The following RASSF5 variants were observed in gnomAD, a reference collection of about 807,000 sequenced individuals.
RASSF5 encodes the protein ras association domain-containing protein 5.
A neutral mutation model predicts 40.5 loss-of-function variants in RASSF5; 25 were observed. The ratio of observed to expected loss-of-function variants is 0.62; its 90% CI spans 0.45 to 0.86. The LOEUF (loss-of-function observed/expected upper bound fraction) is 0.86. Among genes scored for constraint, RASSF5 ranks in the 40% least tolerant of loss-of-function variants. The pLI is 0.00. For synonymous variants in RASSF5, 246 were observed against 252.4 expected, an observed-to-expected ratio of 0.97 and a Z score of 0.24; for missense variants, 521 against 572.8, an observed-to-expected ratio of 0.91 and a Z score of 0.92.
chr1:206,538,250 A>G lies in RASSF5; in HGVS notation c.536A>G (p.Asp179Gly). ...AGTCAGCAGGAGGGTTTATCCCGGG[A>G]CAGACCCTCTCCAGAAAGCACCCTC... ...DCSQQEGLSR[D>G]RPSPESTLTV... is the part of the protein sequence containing the mutation. The change falls in exon 2 of 6, where the codon GAC becomes GGC. Residue 179 changes from aspartate (D) to glycine (G), a missense_variant. Around this residue, in one of 2 missense-constraint regions of RASSF5, gnomAD observed 284 missense variants for 360.8 expected, o/e 0.79. Coordinates refer to ENST00000579436, the MANE Select transcript of RASSF5 (RefSeq NM_182663.4). 1 of 1,614,110 alleles carries G rather than the reference A, an allele frequency of 6.2e-7. No individual in the cohort carries two copies. The highest frequency in any genetic ancestry group is 8.5e-7 in the Non-Finnish European group (1 of 1,180,020).
intron 2 of RASSF5, 105 bp from the exon 3 acceptor site, chr1:206,583,164 G>A: frequency 2.7e-6 from 2 of 749,954 alleles, no homozygotes; most frequent in Non-Finnish European, 2.4e-6. Flanking sequence ...CTGCAGGGCT[G>A]GATGCTCACT....
chr1:206,507,717 G>A lies in RASSF5; in HGVS notation c.115G>A (p.Asp39Asn). 1 of 1,486,226 alleles carries A rather than the reference G, an allele frequency of 6.7e-7. No individual in the cohort carries two copies. Among genetic ancestry groups the A allele is most frequent in the Non-Finnish European group, 8.9e-7 (1 of 1,125,006 alleles). 92.1% of individuals were successfully genotyped at this position (1,486,226 alleles called of 1,614,324 possible). A position where few individuals can be genotyped will look rare whatever the true frequency, so the allele number is the denominator to read the frequency against. Residue 39 changes from aspartate (D) to asparagine (N), a missense_variant, in exon 1 of 6, where the codon GAC becomes AAC. Asp to Asn is a conservative substitution (Grantham distance 23). Transcript: ENST00000579436. The part of the protein sequence containing the change: ...SGPELPPPPP[D>N]RSSRLCVPAP... ...CCCCGAGCTACCGCCGCCGCCCCCC[G>A]ACCGGTCCTCGCGCCTCTGTGTCCC...
intron 2 of RASSF5, among the ~76,000 whole-genome samples, chr1:206,564,898 C>T (rs782321604): frequency 4.6e-5 from 7 of 152,156 alleles, no homozygotes; most frequent in Non-Finnish European, 1.0e-4. Flanking sequence ...GCTTGAATTG[C>T]TGAGCCTGTG....
At chr1:206,585,503 C>G in intron 5 of RASSF5, 1 of 446,738 alleles carries the variant, frequency 2.2e-6, no homozygotes, top group Non-Finnish European at 4.1e-6. Context: ...ACATTAGGGC[C>G]TGTGTGTGGC....
intron 1 of RASSF5, among the ~76,000 whole-genome samples, chr1:206,524,693 A>ATT (rs1667052957): frequency 1.5e-5 from 2 of 137,738 alleles, no homozygotes; most frequent in East Asian, 3.9e-4. Flanking sequence ...TATTTAATAT[A>ATT]TTATATATTA....
chr1:206,508,187 G>A (rs759813014), intron 1 of RASSF5, 128 bp downstream of exon 1: 2 of 695,500 alleles, frequency 2.9e-6, no homozygotes, highest in Non-Finnish European at 4.2e-6. Context: ...CCGAACATAA[G>A]GAGATAACAA....
intron 2 of RASSF5, among the ~76,000 whole-genome samples, chr1:206,573,193 G>A (rs1668511436): frequency 1.3e-5 from 2 of 152,208 alleles, no homozygotes; most frequent in Non-Finnish European, 1.5e-5. Flanking sequence ...CCGTGTGGTG[G>A]CTCATGCCTG....
intron 1 of RASSF5, among the ~76,000 whole-genome samples, chr1:206,514,930 G>A (rs1553395199): frequency 6.6e-6 from 1 of 152,204 alleles, no homozygotes; most frequent in African/African-American, 2.4e-5. Context: ...GATGTGCACT[G>A]CCTCTGTCAG....
At chr1:206,585,991 G>A (rs1669096432) in intron 5 of RASSF5, 1 of 152,232 alleles carries the variant, frequency 6.6e-6, no homozygotes, top group Non-Finnish European at 1.5e-5. Flanking sequence ...TTTGGAAAAA[G>A]TACTCCATGG....
Position 206,507,659 on chromosome 1 carries a change from C to G in RASSF5, c.57C>G (p.Pro19=), listed in dbSNP as rs1248818257. 6.5e-7 allele frequency: 1 copy of G among 1,526,912 alleles called. No individual in the cohort carries two copies. The highest frequency in any genetic ancestry group is 8.7e-7 in the Non-Finnish European group (1 of 1,143,448). 94.6% of individuals were successfully genotyped at this position (1,526,912 alleles called of 1,614,324 possible). Residue 19 remains proline (P), a synonymous_variant, in exon 1 of 6, where the codon CCC becomes CCG. Transcript: ENST00000579436. ...GQRPYPLLLD[P]EPPRYLQSLS... ...GCCCGTACCCGCTACTATTGGACCC[C>G]GAGCCGCCGCGCTATCTACAGAGCC...
At chr1:206,525,212 G>A (rs997392646) in intron 1 of RASSF5, among the ~76,000 whole-genome samples, 2 of 152,078 alleles carry the variant, frequency 1.3e-5, no homozygotes, top group East Asian at 3.9e-4. Flanking sequence ...GTGCCTGCCC[G>A]AGAGGCACAC....
intron 1 of RASSF5, among the ~76,000 whole-genome samples, chr1:206,527,437 T>C (rs1362545713): frequency 6.6e-6 from 1 of 152,124 alleles, no homozygotes; most frequent in Non-Finnish European, 1.5e-5. Context: ...GGTGAAATTG[T>C]CCTGAGAGCT....
intron 1 of RASSF5, among the ~76,000 whole-genome samples, chr1:206,525,149 G>C (rs1378069387): frequency 6.6e-6 from 1 of 152,150 alleles, no homozygotes; most frequent in Non-Finnish European, 1.5e-5. Context: ...CCTTCCTTTT[G>C]TTGATGTTTT....
Position 206,535,519 on chromosome 1 carries a change from G to A in RASSF5, c.458-2653G>A, listed in dbSNP as rs141190338. Among the ~76,000 whole-genome samples, 3 of 152,320 alleles carry A rather than the reference G, an allele frequency of 2.0e-5. No homozygotes were observed. In the East Asian group the frequency reaches 5.8e-4, roughly 29 times the overall value. On this transcript the variant is annotated intron_variant, in intron 1 of 5. Transcript: ENST00000579436. This position sits in a 1 kb window ranked among gnomAD's most constrained non-coding sequence, Gnocchi z 5.0. The stretch of plus-strand genomic sequence containing the variant: ...CCTGGGCTTGGCATTTCCAGGACGA[G>A]GAAGTATGAAGATGTGCTTCAGAGG...
intron 1 of RASSF5, chr1:206,529,820 T>C (rs1222323548): frequency 8.0e-6 from 3 of 377,072 alleles, no homozygotes; most frequent in African/African-American, 4.2e-5. Context: ...AGCTACTCAG[T>C]GGGAGGATTG....
chr1:206,553,574 G>A (rs1024917270), intron 2 of RASSF5, among the ~76,000 whole-genome samples: 1 of 152,170 alleles, frequency 6.6e-6, no homozygotes, highest in African/African-American at 2.4e-5. Context: ...GAAGGGCTGG[G>A]TACTCAGTGA....
chr1:206,511,886 G>A (rs1470078800), intron 1 of RASSF5, among the ~76,000 whole-genome samples: 1 of 152,064 alleles, frequency 6.6e-6, no homozygotes, highest in African/African-American at 2.4e-5. Flanking sequence ...CCCATCCCCC[G>A]CTTGTGGGTT....
At chr1:206,556,584 G>A (rs1209080936) in intron 2 of RASSF5, among the ~76,000 whole-genome samples, 1 of 152,184 alleles carries the variant, frequency 6.6e-6, no homozygotes, top group Non-Finnish European at 1.5e-5. Flanking sequence ...GACCTGGACA[G>A]TGTCTGCAGG....
chr1:206,584,473 G>A lies in RASSF5; in HGVS notation c.777G>A (p.Gln259=). ...PVTVPAGIRP[Q]SIYDAIKEVN... is the part of the protein sequence containing the mutation. ...CGGTGCCTGCTGGGATCCGGCCCCA[G>A]TCCATCTATGATGCCATCAAGGAGG... Residue 259 remains glutamine, a synonymous_variant, in exon 4 of 6, where the codon CAG becomes CAA. Transcript: ENST00000579436. This position sits in a 1 kb window ranked among gnomAD's most constrained non-coding sequence, Gnocchi z 4.9. 1 of 1,614,166 alleles carries A rather than the reference G, an allele frequency of 6.2e-7. No homozygotes were observed. Among genetic ancestry groups the A allele is most frequent in the Non-Finnish European group, 8.5e-7 (1 of 1,180,028 alleles).
Sources: gnomAD v4.1 joint callset for allele counts (sites outside exome capture counted in the v4.1 genomes callset) on GRCh38, gnomAD v4.1.1 for gene constraint, gnomAD v4.1.1 regional missense constraint, Gnocchi (gnomAD v3.1) non-coding constraint, MANE v1.5 for transcripts, NCBI Gene and HGNC (gene_info 2026-07-23, HGNC 2026-07-21) for gene names.